Variants in ZFAND3 observed in about 807,000 individuals in gnomAD.
The protein encoded by ZFAND3 is zinc finger AN1-type containing 3, also known as AN1-type zinc finger protein 3.
Under a neutral mutation model 29.6 loss-of-function variants are expected in ZFAND3, and 10 were observed. That is an observed-to-expected ratio of 0.34 (90% CI 0.21 to 0.57). The LOEUF (loss-of-function observed/expected upper bound fraction) is 0.57, where lower values mean the gene tolerates loss of function less well. ZFAND3 is among the 20% of genes least tolerant of loss of function. The pLI, the probability that ZFAND3 is intolerant of heterozygous loss-of-function variation, is 0.86. For synonymous variants in ZFAND3, 128 were observed against 112.6 expected (o/e 1.14, Z -0.87); for missense variants, 230 against 304.5 (o/e 0.76, Z 1.82).
chr6:38,000,988 G>A (rs1445594193), intron 2 of ZFAND3, among the ~76,000 whole-genome samples: 1 of 152,026 alleles, frequency 6.6e-6, no homozygotes, highest in Admixed American at 6.6e-5. Context: ...AAAATTATAG[G>A]CACTGGACCT....
At chr6:38,043,472 T>C (rs1763834153) in intron 2 of ZFAND3, among the ~76,000 whole-genome samples, 1 of 137,778 alleles carries the variant, frequency 7.3e-6, no homozygotes, top group African/African-American at 2.7e-5. Flanking sequence ...CCCCTCCACC[T>C]TTTTCTTTTA....
rs200973910 is a variant in ZFAND3 at position 38,082,373 on chromosome 6, C to T, written c.296-19C>T. On this transcript the variant is annotated intron_variant, in intron 3 of 5. Transcript: ENST00000287218. ...TAAAGGATGTGTCCTGACTGATGCA[C>T]CTGCCTTTCTGTTTCTAGGTGGGCC... 1.9e-5 allele frequency: 31 copies of T among 1,609,042 alleles called. No individual in the cohort carries two copies. The highest frequency in any genetic ancestry group is 3.4e-5 in the Admixed American group (2 of 59,394).
intron 2 of ZFAND3, among the ~76,000 whole-genome samples, chr6:38,026,125 C>T (rs1163110296): frequency 6.6e-6 from 1 of 152,110 alleles, no homozygotes; most frequent in East Asian, 1.9e-4. Context: ...TTTATCAGAT[C>T]CATTTCTAAA....
At chr6:37,823,810 G>A (rs932546716) in intron 1 of ZFAND3, among the ~76,000 whole-genome samples, 1 of 151,610 alleles carries the variant, frequency 6.6e-6, no homozygotes, top group African/African-American at 2.4e-5. Flanking sequence ...TTGGGGGGGG[G>A]TAGGAAGTTT....
At chr6:38,113,468 A>G (rs1765358228) in intron 4 of ZFAND3, among the ~76,000 whole-genome samples, 1 of 152,240 alleles carries the variant, frequency 6.6e-6, no homozygotes. Flanking sequence ...GAATAGATCA[A>G]GGAAAATCTC....
intron 1 of ZFAND3, among the ~76,000 whole-genome samples, chr6:37,886,837 A>T (rs1004068914): frequency 3.9e-5 from 6 of 152,234 alleles, no homozygotes; most frequent in African/African-American, 1.4e-4. Flanking sequence ...TCTACTAAAA[A>T]AACAAAAAAC....
At chr6:37,948,521 TTA>T (rs1272427532) in intron 2 of ZFAND3, among the ~76,000 whole-genome samples, 4 of 152,232 alleles carry the variant, frequency 2.6e-5, no homozygotes, top group African/African-American at 7.2e-5. Flanking sequence ...CATGGGTAAA[TTA>T]TGTGTCATGG....
At chr6:37,834,702 CATT>C (rs202235023) in intron 1 of ZFAND3, among the ~76,000 whole-genome samples, 32 of 145,166 alleles carry the variant, frequency 2.2e-4, no homozygotes, top group African/African-American at 8.5e-4. Context: ...ATGCATATAT[CATT>C]ATGTATATAT....
chr6:38,061,472 C>A (rs1232457357), intron 2 of ZFAND3, 121 bp from the exon 3 acceptor site: 2 of 1,204,914 alleles, frequency 1.7e-6, no homozygotes, highest in Non-Finnish European at 2.3e-6. Flanking sequence ...GTTTTTTAGT[C>A]ACCCAGATCA....
At chr6:37,971,323 G>T (rs1284552203) in intron 2 of ZFAND3, among the ~76,000 whole-genome samples, 1 of 152,074 alleles carries the variant, frequency 6.6e-6, no homozygotes, top group Admixed American at 6.6e-5. Context: ...GTGTATCTTT[G>T]CAGGCGAATG....
chr6:37,889,408 A>G (rs527963377), intron 1 of ZFAND3, among the ~76,000 whole-genome samples: 3 of 152,290 alleles, frequency 2.0e-5, no homozygotes, highest in Admixed American at 6.5e-5. Flanking sequence ...GGCTTAGACC[A>G]ATTTTGATTT....
chr6:38,044,405 A>G (rs1023693858), intron 2 of ZFAND3, among the ~76,000 whole-genome samples: 1 of 151,850 alleles, frequency 6.6e-6, no homozygotes, highest in African/African-American at 2.4e-5. Context: ...TTGGCAGGGT[A>G]ACGTTTTTAG....
At chr6:37,875,263 A>G (rs746240205) in intron 1 of ZFAND3, among the ~76,000 whole-genome samples, 15 of 152,188 alleles carry the variant, frequency 9.9e-5, no homozygotes, top group Admixed American at 1.3e-4. Flanking sequence ...TGGAGTTGCA[A>G]TGTAATAAAA....
At chr6:37,972,021 G>GT (rs1402678313) in intron 2 of ZFAND3, among the ~76,000 whole-genome samples, 4 of 151,576 alleles carry the variant, frequency 2.6e-5, no homozygotes, top group African/African-American at 4.8e-5. Context: ...TTTCAAAAAG[G>GT]TTTTTGGTTG....
intron 4 of ZFAND3, among the ~76,000 whole-genome samples, chr6:38,096,558 C>T (rs1437463410): frequency 6.6e-6 from 1 of 152,202 alleles, no homozygotes; most frequent in Non-Finnish European, 1.5e-5. Flanking sequence ...GATGCGAATA[C>T]TTGCTAGGTC....
intron 2 of ZFAND3, among the ~76,000 whole-genome samples, chr6:38,037,440 A>T (rs1763680509): frequency 6.6e-6 from 1 of 152,236 alleles, no homozygotes; most frequent in Non-Finnish European, 1.5e-5. Context: ...AACAAGCATT[A>T]TAATCACCAA....
intron 1 of ZFAND3, among the ~76,000 whole-genome samples, chr6:37,822,833 G>C (rs1325370568): frequency 6.6e-6 from 1 of 152,162 alleles, no homozygotes; most frequent in Non-Finnish European, 1.5e-5. Flanking sequence ...TTGAGGAACA[G>C]GTTTGTTGGG....
chr6:37,920,334 C>T (rs1444967222), intron 1 of ZFAND3, among the ~76,000 whole-genome samples: 1 of 150,556 alleles, frequency 6.6e-6, no homozygotes, highest in Non-Finnish European at 1.5e-5. Context: ...TCCTTTTCTA[C>T]AGGGGCTTTC....
At chr6:37,978,555 T>A (rs1762528311) in intron 2 of ZFAND3, among the ~76,000 whole-genome samples, 1 of 152,198 alleles carries the variant, frequency 6.6e-6, no homozygotes, top group African/African-American at 2.4e-5. Context: ...TGAAGCCATC[T>A]ACACAGGGAG....
Sources: gnomAD v4.1 joint callset for allele counts (sites outside exome capture counted in the v4.1 genomes callset) on GRCh38, gnomAD v4.1.1 for gene constraint, MANE v1.5 for transcripts, NCBI Gene and HGNC (gene_info 2026-07-23, HGNC 2026-07-21) for gene names.